The following LIMCH1 variants were observed in gnomAD, a reference collection of about 807,000 sequenced individuals.
LIMCH1 encodes the protein LIM and calponin homology domains-containing protein 1.
In LIMCH1, 113 loss-of-function variants were observed where a neutral mutation model predicts 176.5. The ratio of observed to expected loss-of-function variants is 0.64; its 90% CI spans 0.55 to 0.75. The LOEUF (loss-of-function observed/expected upper bound fraction) is 0.75, where lower values mean the gene tolerates loss of function less well. Among genes scored for constraint, LIMCH1 ranks in the 30% least tolerant of loss-of-function variants. The pLI, the probability that LIMCH1 is intolerant of heterozygous loss-of-function variation, is 0.00. For synonymous variants in LIMCH1, 619 were observed against 645.9 expected (o/e 0.96, Z 0.63); for missense variants, 1,674 against 1,814.9 (o/e 0.92, Z 1.41).
rs761241154 is a variant in LIMCH1 at position 41,620,505 on chromosome 4, T to C, written c.540T>C (p.Gly180=). 28 of 1,536,266 alleles carry C rather than the reference T, an allele frequency of 1.8e-5. No individual in the cohort carries two copies. Among genetic ancestry groups the C allele is most frequent in the African/African-American group, 2.7e-5 (2 of 73,038 alleles). The change falls in exon 7 of 32, where the codon GGT becomes GGC. Residue 180 remains glycine (G), a synonymous_variant. Transcript: ENST00000503057. ...ACCCAGCTGGCCAAATGAATCCTGGTTGGAAGCCTTCCGATGGTGGGTGTG... is the reference window on the plus strand; with the variant it reads ...ACCCAGCTGGCCAAATGAATCCTGGCTGGAAGCCTTCCGATGGTGGGTGTG... ...EDNPAGQMNP[G]WKPSDGGCEL...
chr4:41,620,225 C>T (rs1169978113), intron 6 of LIMCH1, 199 bp from the exon 7 acceptor site: 1 of 564,272 alleles, frequency 1.8e-6, no homozygotes, highest in Non-Finnish European at 3.0e-6. Context: ...TCTGGGATAA[C>T]TCTCAATGTT....
In LIMCH1 at chr4:41,530,691, C is replaced by CA. The variant is rs553448369; in HGVS notation, c.237+6214dup. On this transcript the variant is annotated intron_variant, in intron 3 of 26. Coordinates refer to the LIMCH1 transcript ENST00000313860. ...GCATGGTGGTGTGTGCCCGTAATCC[C>CA]AGCTACTTGGGAGGCTAAGGCAGGA... 1.6e-4 allele frequency among the ~76,000 whole-genome samples: 24 copies of CA among 146,756 alleles called. No homozygotes were observed. In the South Asian group the frequency reaches 4.3e-3, roughly 26 times the overall value.
chr4:41,606,008 AC>A lies in LIMCH1; in HGVS notation c.9+5del. 1 of 1,604,846 alleles carries A rather than the reference AC, an allele frequency of 6.2e-7. No homozygotes were observed. ...ATTGTTGGCTCAGATGCGAAAGGTAACTTGGCTTTTCTTCTTTATCCCATAA... is the reference window on the plus strand; with the variant it reads ...ATTGTTGGCTCAGATGCGAAAGGTAATTGGCTTTTCTTCTTTATCCCATAA... On this transcript the variant is annotated splice_donor_5th_base_variant and intron_variant, in intron 4 of 31. Transcript: ENST00000503057.
At chr4:41,552,734 T>C (rs745900915) in intron 1 of LIMCH1, among the ~76,000 whole-genome samples, 4 of 152,208 alleles carry the variant, frequency 2.6e-5, no homozygotes, top group Admixed American at 6.5e-5. Flanking sequence ...TAAAAATATT[T>C]GCTGAAATCT....
At chr4:41,586,542 A>G (rs1483105124) in intron 1 of LIMCH1, among the ~76,000 whole-genome samples, 4 of 152,210 alleles carry the variant, frequency 2.6e-5, no homozygotes, top group African/African-American at 9.6e-5. Context: ...TGTTTAATGG[A>G]ATATGATAGA....
intron 1 of LIMCH1, among the ~76,000 whole-genome samples, chr4:41,408,304 A>G (rs1340936177): frequency 6.6e-6 from 1 of 152,172 alleles, no homozygotes; most frequent in Non-Finnish European, 1.5e-5. Context: ...CACTCAGTGC[A>G]GTAAAAGACT....
chr4:41,530,178 A>G (rs891847614), intron 3 of LIMCH1, among the ~76,000 whole-genome samples: 4 of 152,230 alleles, frequency 2.6e-5, no homozygotes, highest in African/African-American at 4.8e-5. Flanking sequence ...TTTCCACATT[A>G]TGAGAAGATT....
At chr4:41,505,925 G>GACACACACACACACACACACACACAC (rs36212568) in intron 2 of LIMCH1, among the ~76,000 whole-genome samples, 3 of 134,658 alleles carry the variant, frequency 2.2e-5, no homozygotes, top group African/African-American at 8.6e-5. Flanking sequence ...CTGTGTTTCT[G>GACACACACACACACACACACACACAC]ACACACACAC....
chr4:41,527,927 A>G (rs1162657166), intron 3 of LIMCH1, among the ~76,000 whole-genome samples: 1 of 152,034 alleles, frequency 6.6e-6, no homozygotes, highest in African/African-American at 2.4e-5. Flanking sequence ...CATACAGTGC[A>G]TGATCCTTAG....
chr4:41,663,072 T>A, intron 20 of LIMCH1, 88 bp downstream of exon 20: 2 of 1,247,476 alleles, frequency 1.6e-6, no homozygotes, highest in Non-Finnish European at 2.2e-6. Flanking sequence ...CAGTTGTGAA[T>A]AATGAAGATT....
chr4:41,695,173 T>C (rs1045242625), intron 31 of LIMCH1, among the ~76,000 whole-genome samples: 3 of 151,816 alleles, frequency 2.0e-5, no homozygotes, highest in Admixed American at 6.6e-5. Flanking sequence ...CTGTGATTTA[T>C]TTTCATACAA....
chr4:41,572,355 T>A (rs147391647), intron 1 of LIMCH1, among the ~76,000 whole-genome samples: 1 of 152,114 alleles, frequency 6.6e-6, no homozygotes, highest in Admixed American at 6.5e-5. Flanking sequence ...GGAATTACCA[T>A]TGGATTTGGT....
At chr4:41,637,379 A>G (rs563121540) in intron 13 of LIMCH1, among the ~76,000 whole-genome samples, 1 of 152,240 alleles carries the variant, frequency 6.6e-6, no homozygotes, top group Non-Finnish European at 1.5e-5. Flanking sequence ...TGGTAGAGAC[A>G]AGGCTTTGCC....
At chr4:41,518,078 T>C (rs887577623) in intron 2 of LIMCH1, among the ~76,000 whole-genome samples, 3 of 152,244 alleles carry the variant, frequency 2.0e-5, no homozygotes, top group African/African-American at 7.2e-5. Flanking sequence ...ATAGCTCTTC[T>C]GTTCTTCCCG....
At chr4:41,364,927 A>G (rs2052742317) in intron 1 of LIMCH1, among the ~76,000 whole-genome samples, 1 of 152,020 alleles carries the variant, frequency 6.6e-6, no homozygotes, top group Non-Finnish European at 1.5e-5. Context: ...ATTGAGTTAC[A>G]AGAGTTTATT....
intron 1 of LIMCH1, among the ~76,000 whole-genome samples, chr4:41,571,161 G>T (rs1584280979): frequency 6.6e-6 from 1 of 152,050 alleles, no homozygotes; most frequent in Non-Finnish European, 1.5e-5. Flanking sequence ...TGTGGCTCAG[G>T]GAGCCACACA....
chr4:41,516,932 T>C (rs2075640241), intron 2 of LIMCH1, among the ~76,000 whole-genome samples: 1 of 152,182 alleles, frequency 6.6e-6, no homozygotes, highest in Non-Finnish European at 1.5e-5. Context: ...TGCCTGGGTA[T>C]TGGAGAAAGG....
intron 1 of LIMCH1, among the ~76,000 whole-genome samples, chr4:41,388,944 A>T (rs1041769532): frequency 5.3e-5 from 8 of 152,230 alleles, no homozygotes; most frequent in African/African-American, 1.2e-4. Flanking sequence ...CACCCAGCCC[A>T]TAAAGCTGTT....
intron 13 of LIMCH1, among the ~76,000 whole-genome samples, chr4:41,635,522 C>T (rs1364169164): frequency 6.6e-6 from 1 of 152,180 alleles, no homozygotes; most frequent in Non-Finnish European, 1.5e-5. Flanking sequence ...GCCACTGCAC[C>T]TGGCCTGTCA....
Sources: gnomAD v4.1 joint callset for allele counts (sites outside exome capture counted in the v4.1 genomes callset) on GRCh38, gnomAD v4.1.1 for gene constraint, MANE v1.5 for transcripts, NCBI Gene and HGNC (gene_info 2026-07-23, HGNC 2026-07-21) for gene names.